GALNTL6: variants seen among roughly 807,000 people sequenced by gnomAD.
GALNTL6 encodes polypeptide N-acetylgalactosaminyltransferase like 6, also known as polypeptide N-acetylgalactosaminyltransferase-like 6.
Under a neutral mutation model 73.7 loss-of-function variants are expected in GALNTL6, and 46 were observed. The ratio of observed to expected loss-of-function variants is 0.62; its 90% CI spans 0.49 to 0.80. The LOEUF (loss-of-function observed/expected upper bound fraction) is 0.80, where lower values mean the gene tolerates loss of function less well. GALNTL6 is among the 30% of genes least tolerant of loss of function. The pLI is 0.00. For missense variants in GALNTL6, 604 were observed against 755.0 expected, an observed-to-expected ratio of 0.80 and a Z score of 2.34; for synonymous variants, 259 against 263.7, an observed-to-expected ratio of 0.98 and a Z score of 0.17.
intron 7 of GALNTL6, among the ~76,000 whole-genome samples, chr4:172,818,800 T>G (rs1275633953): frequency 6.6e-6 from 1 of 152,188 alleles, no homozygotes; most frequent in Non-Finnish European, 1.5e-5. Context: ...GGTTTTGCCA[T>G]GTTGGTCAGG....
At chr4:172,062,025 T>A (rs996751067) in intron 2 of GALNTL6, among the ~76,000 whole-genome samples, 1 of 148,862 alleles carries the variant, frequency 6.7e-6, no homozygotes, top group Non-Finnish European at 1.5e-5. Context: ...CTTGGCTCAC[T>A]GCAACTTCTG....
chr4:171,819,299 C>T (rs907640769), intron 2 of GALNTL6, among the ~76,000 whole-genome samples: 1 of 152,114 alleles, frequency 6.6e-6, no homozygotes, highest in Non-Finnish European at 1.5e-5. Flanking sequence ...TAACAAGTAT[C>T]TTAATTATTT....
At chr4:172,349,537 G>T (rs961685483) in intron 5 of GALNTL6, among the ~76,000 whole-genome samples, 2 of 152,040 alleles carry the variant, frequency 1.3e-5, no homozygotes, top group Admixed American at 1.3e-4. Context: ...ATTTGTCACA[G>T]AAACATCTTT....
chr4:172,579,139 T>C (rs1378166198), intron 5 of GALNTL6, among the ~76,000 whole-genome samples: 1 of 152,210 alleles, frequency 6.6e-6, no homozygotes, highest in Non-Finnish European at 1.5e-5. Context: ...TTACGTACTA[T>C]GCAGCGAAGA....
At chr4:172,126,984 C>G (rs1340025576) in intron 2 of GALNTL6, among the ~76,000 whole-genome samples, 1 of 152,188 alleles carries the variant, frequency 6.6e-6, no homozygotes, top group African/African-American at 2.4e-5. Context: ...AAGGAAGCCG[C>G]CAAACATTTT....
intron 2 of GALNTL6, among the ~76,000 whole-genome samples, chr4:172,172,972 G>T (rs771015393): frequency 6.6e-6 from 1 of 152,230 alleles, no homozygotes; most frequent in South Asian, 2.1e-4. Context: ...GGGAGGTCAA[G>T]TTCTCATCCA....
intron 5 of GALNTL6, among the ~76,000 whole-genome samples, chr4:172,434,310 C>T (rs1731561055): frequency 1.3e-5 from 2 of 152,048 alleles, no homozygotes; most frequent in Non-Finnish European, 2.9e-5. Context: ...CTGATATAGT[C>T]ACCTTAGTTA....
chr4:172,222,279 A>G (rs1736701351), intron 2 of GALNTL6, among the ~76,000 whole-genome samples: 1 of 151,938 alleles, frequency 6.6e-6, no homozygotes, highest in African/African-American at 2.4e-5. Flanking sequence ...TTTCAAGGTG[A>G]TGGAAGCAGG....
intron 5 of GALNTL6, among the ~76,000 whole-genome samples, chr4:172,569,087 T>C (rs1736669330): frequency 6.6e-6 from 1 of 152,164 alleles, no homozygotes; most frequent in Non-Finnish European, 1.5e-5. Context: ...TGCTATTCAT[T>C]GGGCCCTGGC....
intron 5 of GALNTL6, among the ~76,000 whole-genome samples, chr4:172,607,441 A>C (rs1324812736): frequency 6.6e-6 from 1 of 152,130 alleles, no homozygotes; most frequent in Non-Finnish European, 1.5e-5. Flanking sequence ...GATGGCCCCC[A>C]GCTGCATCCA....
chr4:172,156,553 A>AC (rs1339299901), intron 2 of GALNTL6, among the ~76,000 whole-genome samples: 1 of 137,610 alleles, frequency 7.3e-6, no homozygotes, highest in African/African-American at 2.8e-5. Context: ...ATATATATAT[A>AC]TATATATATA....
At chr4:172,982,730 G>GA (rs889840391) in intron 10 of GALNTL6, among the ~76,000 whole-genome samples, 11 of 148,212 alleles carry the variant, frequency 7.4e-5, no homozygotes, top group Admixed American at 3.4e-4. Context: ...ACTTTTTCTG[G>GA]AAAAAAAAAG....
intron 2 of GALNTL6, among the ~76,000 whole-genome samples, chr4:172,090,330 G>A (rs996666266): frequency 7.2e-5 from 11 of 152,200 alleles, no homozygotes; most frequent in South Asian, 6.2e-4. Context: ...GTGTAAAAGC[G>A]TTCCTATTTC....
intron 10 of GALNTL6, among the ~76,000 whole-genome samples, chr4:173,002,794 CAAA>C (rs34412958): frequency 1.9e-4 from 16 of 82,914 alleles, no homozygotes; most frequent in East Asian, 6.9e-4. Context: ...GACTCCGTCT[CAAA>C]AAAAAAAAAA....
At chr4:171,866,490 C>T (rs1735975018) in intron 2 of GALNTL6, among the ~76,000 whole-genome samples, 1 of 151,924 alleles carries the variant, frequency 6.6e-6, no homozygotes, top group African/African-American at 2.4e-5. Context: ...TTTCTTTTTT[C>T]TCTCTCTCTC....
intron 10 of GALNTL6, among the ~76,000 whole-genome samples, chr4:172,972,362 A>C (rs1487813847): frequency 6.6e-6 from 1 of 152,232 alleles, no homozygotes; most frequent in Non-Finnish European, 1.5e-5. Context: ...GCACAAATTT[A>C]AAAGTATGTT....
At chr4:172,121,596 A>G (rs1733151826) in intron 2 of GALNTL6, among the ~76,000 whole-genome samples, 1 of 152,170 alleles carries the variant, frequency 6.6e-6, no homozygotes, top group Admixed American at 6.5e-5. Flanking sequence ...GTCCCACATC[A>G]GAGACAGTAA....
chr4:172,052,432 A>C, intron 2 of GALNTL6: 2 of 1,533,092 alleles, frequency 1.3e-6, no homozygotes, highest in Non-Finnish European at 8.7e-7. Context: ...ACCCCAACCC[A>C]TTCACCAGCC....
intron 2 of GALNTL6, among the ~76,000 whole-genome samples, chr4:172,095,787 G>C (rs185839394): frequency 6.7e-4 from 102 of 152,170 alleles, no homozygotes; most frequent in Middle Eastern, 3.4e-3. Context: ...ACTTTTGTGG[G>C]AGGAAATTAC....
Sources: allele counts gnomAD v4.1 joint callset (sites outside exome capture counted in the v4.1 genomes callset), GRCh38; gene constraint gnomAD v4.1.1; transcripts MANE v1.5; gene names NCBI Gene and HGNC (gene_info 2026-07-23, HGNC 2026-07-21).